The following LRRTM4 variants were observed in gnomAD, a reference collection of about 807,000 sequenced individuals.
LRRTM4 encodes the protein leucine-rich repeat transmembrane neuronal protein 4.
In LRRTM4, 25 loss-of-function variants were observed where a neutral mutation model predicts 47.6. The ratio of observed to expected loss-of-function variants is 0.53; its 90% CI spans 0.38 to 0.73. The LOEUF (loss-of-function observed/expected upper bound fraction) is 0.73, where lower values mean the gene tolerates loss of function less well. LRRTM4 is among the 30% of genes least tolerant of loss of function. The pLI is 0.00. For synonymous variants in LRRTM4, 311 were observed against 269.5 expected (o/e 1.15, Z -1.51); for missense variants, 638 against 713.4 (o/e 0.89, Z 1.20).
intron 3 of LRRTM4, among the ~76,000 whole-genome samples, chr2:77,411,514 G>A (rs1674429587): frequency 1.4e-5 from 2 of 140,006 alleles, no homozygotes; most frequent in African/African-American, 2.7e-5. Context: ...GTGCAGTGGC[G>A]TGATCTCGGC....
chr2:77,080,007 CTG>C (rs1680480031), intron 3 of LRRTM4, among the ~76,000 whole-genome samples: 1 of 152,030 alleles, frequency 6.6e-6, no homozygotes, highest in Non-Finnish European at 1.5e-5. Flanking sequence ...TTTATATTCA[CTG>C]TCTGCAATTC....
intron 3 of LRRTM4, among the ~76,000 whole-genome samples, chr2:76,944,105 G>GC (rs1481397470): frequency 6.6e-6 from 1 of 152,068 alleles, no homozygotes; most frequent in Non-Finnish European, 1.5e-5. Flanking sequence ...CTTCATAATT[G>GC]CCCCTTGCTT....
At chr2:76,860,089 C>T (rs769141128) in intron 3 of LRRTM4, among the ~76,000 whole-genome samples, 17 of 152,056 alleles carry the variant, frequency 1.1e-4, no homozygotes, top group Admixed American at 3.3e-4. Context: ...CTTAAGAAAA[C>T]ACACACAGAA....
At position 77,417,936 on chromosome 2, in the gene LRRTM4, A is replaced by G. The variant is rs959787816; in HGVS notation, c.1551+100382T>C. 3.3e-5 allele frequency among the ~76,000 whole-genome samples: 5 copies of G among 152,156 alleles called. No homozygotes were observed. In the South Asian group the frequency reaches 1.0e-3, roughly 31 times the overall value. ...TAAAAAAAGAAAAATATACCACTCTATCTACTGTTTGAATAATAATAGTTC... is the reference window on the plus strand; with the variant it reads ...TAAAAAAAGAAAAATATACCACTCTGTCTACTGTTTGAATAATAATAGTTC... On this transcript the variant is annotated intron_variant, in intron 3 of 3. Coordinates refer to ENST00000409884, the MANE Select transcript of LRRTM4 (RefSeq NM_001134745.3).
At position 77,397,384 on chromosome 2, in the gene LRRTM4, C is replaced by T. The variant is rs1172382867; in HGVS notation, c.1551+120934G>A. Among the ~76,000 whole-genome samples the T allele has an allele frequency of 5.9e-4, 90 of 151,848 alleles. 1 individual carries two copies. The highest frequency in any genetic ancestry group is 5.6e-3 in the Admixed American group (85 of 15,200). ...GAGGGACATTGTCTAAGACTAATTA[C>T]TGCTAATTAAACATAGCTATCAGCA... On this transcript the variant is annotated intron_variant, in intron 3 of 3. Transcript: ENST00000409884.
intron 3 of LRRTM4, among the ~76,000 whole-genome samples, chr2:77,132,700 G>T (rs1278836936): frequency 6.6e-6 from 1 of 152,166 alleles, no homozygotes; most frequent in Admixed American, 6.5e-5. Flanking sequence ...GTTTTACAAA[G>T]AGCTTAAAAC....
At chr2:76,846,349 G>A (rs768160539) in intron 3 of LRRTM4, among the ~76,000 whole-genome samples, 33 of 151,978 alleles carry the variant, frequency 2.2e-4, no homozygotes, top group Non-Finnish European at 3.7e-4. Context: ...CCCTGGTCCC[G>A]GTGCCATAAA....
At chr2:76,831,336 C>T (rs1002344467) in intron 3 of LRRTM4, among the ~76,000 whole-genome samples, 3 of 152,054 alleles carry the variant, frequency 2.0e-5, no homozygotes, top group Non-Finnish European at 4.4e-5. Context: ...GGTGTGTGTG[C>T]GTGTGCACAC....
At chr2:76,918,814 A>G (rs1249846160) in intron 3 of LRRTM4, among the ~76,000 whole-genome samples, 1 of 152,260 alleles carries the variant, frequency 6.6e-6, no homozygotes, top group Non-Finnish European at 1.5e-5. Context: ...AAATCCTTAG[A>G]AAGATTTCCC....
At chr2:77,360,486 CG>C (rs1558706160) in intron 3 of LRRTM4, among the ~76,000 whole-genome samples, 2 of 57,942 alleles carry the variant, frequency 3.5e-5, no homozygotes, top group Admixed American at 2.1e-4. Context: ...TGATACGATA[CG>C]ATACGATACG....
At chr2:77,176,391 C>T (rs1019886425) in intron 3 of LRRTM4, among the ~76,000 whole-genome samples, 1 of 152,150 alleles carries the variant, frequency 6.6e-6, no homozygotes, top group Non-Finnish European at 1.5e-5. Flanking sequence ...CCATGGTATA[C>T]GACTTATAGT....
chr2:77,168,145 T>C (rs1672943737), intron 3 of LRRTM4, among the ~76,000 whole-genome samples: 1 of 152,124 alleles, frequency 6.6e-6, no homozygotes, highest in African/African-American at 2.4e-5. Flanking sequence ...TCCGGTGATC[T>C]CTCTCAACTT....
At chr2:77,312,974 T>C (rs1365778395) in intron 3 of LRRTM4, among the ~76,000 whole-genome samples, 1 of 152,330 alleles carries the variant, frequency 6.6e-6, no homozygotes, top group South Asian at 2.1e-4. Context: ...AGAGTTAGAG[T>C]AAATAAAGTT....
chr2:77,243,772 C>CAT (rs1675342032), intron 3 of LRRTM4, among the ~76,000 whole-genome samples: 2 of 96,776 alleles, frequency 2.1e-5, no homozygotes, highest in Non-Finnish European at 4.4e-5. Flanking sequence ...TTTTCTTTTT[C>CAT]CTTTTTTTTT....
At chr2:76,913,649 C>T (rs1164251142) in intron 3 of LRRTM4, among the ~76,000 whole-genome samples, 2 of 149,624 alleles carry the variant, frequency 1.3e-5, no homozygotes, top group East Asian at 2.0e-4. Context: ...AAGTGATTCT[C>T]GTACCTCAGC....
chr2:76,994,157 A>G (rs1677112717), intron 3 of LRRTM4, among the ~76,000 whole-genome samples: 1 of 151,852 alleles, frequency 6.6e-6, no homozygotes, highest in African/African-American at 2.4e-5. Flanking sequence ...CTACCTATTG[A>G]GTACTATGTT....
At chr2:77,260,539 G>C (rs946073342) in intron 3 of LRRTM4, among the ~76,000 whole-genome samples, 1 of 151,906 alleles carries the variant, frequency 6.6e-6, no homozygotes, top group Non-Finnish European at 1.5e-5. Flanking sequence ...TTTCCTAATA[G>C]CTATTAACTA....
chr2:77,155,760 T>C (rs1278838379), intron 3 of LRRTM4, among the ~76,000 whole-genome samples: 2 of 151,866 alleles, frequency 1.3e-5, no homozygotes, highest in Non-Finnish European at 2.9e-5. Flanking sequence ...TGGGAAGAGG[T>C]TGGTTAAATG....
At chr2:77,202,428 T>C (rs1209402557) in intron 3 of LRRTM4, among the ~76,000 whole-genome samples, 1 of 152,156 alleles carries the variant, frequency 6.6e-6, no homozygotes, top group Non-Finnish European at 1.5e-5. Context: ...GCAGCATCAA[T>C]GCTCCTATAA....
Sources: allele counts gnomAD v4.1 joint callset (sites outside exome capture counted in the v4.1 genomes callset), GRCh38; gene constraint gnomAD v4.1.1; transcripts MANE v1.5; gene names NCBI Gene and HGNC (gene_info 2026-07-23, HGNC 2026-07-21).